Variants in ASTN2 observed in about 807,000 individuals in gnomAD.
ASTN2 encodes the protein astrotactin-2.
A neutral mutation model predicts 139.8 loss-of-function variants in ASTN2; 54 were observed. That is an observed-to-expected ratio of 0.39 (90% confidence interval 0.31 to 0.48). The LOEUF (loss-of-function observed/expected upper bound fraction) is 0.48, where lower values mean the gene tolerates loss of function less well. Ranked by LOEUF, ASTN2 falls within the 20% of genes least tolerant of loss-of-function variation. The pLI is 0.95. For synonymous variants in ASTN2, 756 were observed against 719.5 expected, an observed-to-expected ratio of 1.05 and a Z score of -0.81; for missense variants, 1,565 against 1,725.1, an observed-to-expected ratio of 0.91 and a Z score of 1.64.
intron 19 of ASTN2, among the ~76,000 whole-genome samples, chr9:116,508,504 A>G (rs1447947895): frequency 6.6e-6 from 1 of 151,678 alleles, no homozygotes; most frequent in Non-Finnish European, 1.5e-5. Flanking sequence ...GTGTGTGTGT[A>G]CTAGAGGCCT....
rs114274516 is a variant in ASTN2, at chr9:116,452,343, G to A, written c.3498-9790C>T. ...GCATAACTTGGAAGCATGTTGAATT[G>A]AGAGGCAGAGGATATGATGTGTAGG... is the stretch of plus-strand genomic sequence containing the variant. On this transcript the variant is annotated intron_variant, in intron 20 of 22. Coordinates refer to ENST00000313400, the MANE Select transcript of ASTN2 (RefSeq NM_001365068.1). Among the ~76,000 whole-genome samples the A allele has an allele frequency of 2.3e-3, 346 of 152,308 alleles. 1 individual carries two copies. Among genetic ancestry groups the A allele is most frequent in the African/African-American group, 8.2e-3 (339 of 41,566 alleles).
chr9:117,250,441 T>C (rs1833506798), intron 2 of ASTN2, among the ~76,000 whole-genome samples: 1 of 152,250 alleles, frequency 6.6e-6, no homozygotes, highest in Non-Finnish European at 1.5e-5. Flanking sequence ...GGCAGGATAA[T>C]TTTTATCAGT....
At chr9:117,295,574 T>A (rs550763383) in intron 1 of ASTN2, among the ~76,000 whole-genome samples, 31 of 151,916 alleles carry the variant, frequency 2.0e-4, no homozygotes, top group African/African-American at 6.8e-4. Flanking sequence ...CCCTTTTTCA[T>A]CTTTAAAATG....
chr9:116,565,905 G>A (rs1193874619), intron 19 of ASTN2, among the ~76,000 whole-genome samples: 2 of 151,952 alleles, frequency 1.3e-5, no homozygotes, highest in Non-Finnish European at 2.9e-5. Flanking sequence ...AGAGACCTTC[G>A]ATTACAAGTA....
intron 1 of ASTN2, among the ~76,000 whole-genome samples, chr9:117,359,859 A>G (rs1343104922): frequency 6.6e-6 from 1 of 152,204 alleles, no homozygotes; most frequent in East Asian, 1.9e-4. Flanking sequence ...CCCTGAAAGT[A>G]GGGAAAGAGA....
chr9:117,342,652 C>A lies in ASTN2; in HGVS notation c.443-51139G>T, dbSNP rs537689932. ...TACAAGGTCCTGGCTTCTTCACCTA[C>A]AAAATGAGGGGAGACTGACTTAACA... On this transcript the variant is annotated intron_variant, in intron 1 of 22. Coordinates refer to ENST00000313400, the MANE Select transcript of ASTN2 (RefSeq NM_001365068.1). Among the ~76,000 whole-genome samples the A allele has an allele frequency of 2.0e-5, 3 of 152,266 alleles. No individual in the cohort carries two copies. The East Asian group carries it at 5.8e-4, about 29-fold the overall frequency.
chr9:117,131,606 C>A (rs1458037996), intron 4 of ASTN2, among the ~76,000 whole-genome samples: 1 of 152,120 alleles, frequency 6.6e-6, no homozygotes, highest in African/African-American at 2.4e-5. Context: ...TTACCATATT[C>A]TCTCTAAGGT....
chr9:116,654,149 C>A (rs938783388), intron 16 of ASTN2, among the ~76,000 whole-genome samples: 6 of 152,196 alleles, frequency 3.9e-5, no homozygotes, highest in African/African-American at 1.2e-4. Context: ...TTAGCCCACG[C>A]TCTGGCCTAG....
At chr9:117,255,139 G>A (rs900922071) in intron 2 of ASTN2, among the ~76,000 whole-genome samples, 2 of 152,208 alleles carry the variant, frequency 1.3e-5, no homozygotes, top group Admixed American at 1.3e-4. Flanking sequence ...AGAAATCAGT[G>A]AGGACTATTT....
intron 2 of ASTN2, among the ~76,000 whole-genome samples, chr9:117,268,219 T>C (rs1031355268): frequency 2.0e-5 from 3 of 152,188 alleles, no homozygotes; most frequent in African/African-American, 7.2e-5. Flanking sequence ...CCACCTGCGT[T>C]CATCAGTCCC....
chr9:117,129,580 G>A (rs1415541546), intron 4 of ASTN2, among the ~76,000 whole-genome samples: 1 of 152,088 alleles, frequency 6.6e-6, no homozygotes, highest in Non-Finnish European at 1.5e-5. Flanking sequence ...ATCTTTAATA[G>A]TGTAGTTAAA....
At chr9:117,037,162 C>T (rs1165494421) in intron 6 of ASTN2, among the ~76,000 whole-genome samples, 1 of 152,016 alleles carries the variant, frequency 6.6e-6, no homozygotes, top group Non-Finnish European at 1.5e-5. Context: ...ATAATTCCTG[C>T]CCTCACAGAG....
chr9:117,222,452 C>G (rs1290423791), intron 2 of ASTN2, among the ~76,000 whole-genome samples: 1 of 151,910 alleles, frequency 6.6e-6, no homozygotes, highest in African/African-American at 2.4e-5. Context: ...GTACGTGGAG[C>G]CTGAGCCTCC....
intron 1 of ASTN2, among the ~76,000 whole-genome samples, chr9:117,378,574 A>G (rs1830184801): frequency 6.6e-6 from 1 of 152,134 alleles, no homozygotes; most frequent in Non-Finnish European, 1.5e-5. Context: ...ACACATATCC[A>G]CTGCCCCCTT....
intron 1 of ASTN2, among the ~76,000 whole-genome samples, chr9:117,308,229 C>A (rs1835052239): frequency 6.6e-6 from 1 of 151,536 alleles, no homozygotes; most frequent in South Asian, 2.1e-4. Context: ...ATCAATCAAT[C>A]AATCAATCAA....
At chr9:116,976,050 A>ACAT in intron 9 of ASTN2, 64 bp downstream of exon 9, 1 of 1,497,642 alleles carries the variant, frequency 6.7e-7, no homozygotes, top group South Asian at 1.1e-5. Flanking sequence ...ATCCATGACC[A>ACAT]CATCTTCCTA....
intron 16 of ASTN2, among the ~76,000 whole-genome samples, chr9:116,679,465 T>C (rs1380093260): frequency 6.6e-6 from 1 of 152,142 alleles, no homozygotes; most frequent in East Asian, 1.9e-4. Flanking sequence ...AAAACTCCTA[T>C]AATTCTAATA....
At chr9:116,854,238 A>G (rs781476342) in intron 11 of ASTN2, among the ~76,000 whole-genome samples, 1 of 152,172 alleles carries the variant, frequency 6.6e-6, no homozygotes, top group Non-Finnish European at 1.5e-5. Context: ...CACCACCACC[A>G]TACTCAACCC....
At chr9:117,189,555 G>A (rs913189010) in intron 3 of ASTN2, among the ~76,000 whole-genome samples, 4 of 152,080 alleles carry the variant, frequency 2.6e-5, no homozygotes, top group Non-Finnish European at 5.9e-5. Flanking sequence ...GTCAATAATA[G>A]CTTCCATTTC....
Sources: allele counts gnomAD v4.1 joint callset (sites outside exome capture counted in the v4.1 genomes callset), GRCh38; gene constraint gnomAD v4.1.1; transcripts MANE v1.5; gene names NCBI Gene and HGNC (gene_info 2026-07-23, HGNC 2026-07-21).